STRN3: variants seen among roughly 807,000 people sequenced by gnomAD.
STRN3 encodes the protein striatin 3, also known as striatin-3.
A neutral mutation model predicts 95.6 loss-of-function variants in STRN3; 29 were observed. The ratio of observed to expected loss-of-function variants is 0.30; its 90% CI spans 0.23 to 0.41. STRN3 has a LOEUF of 0.41. STRN3 is among the 10% of genes least tolerant of loss of function. The pLI is 1.00. For synonymous variants in STRN3, 331 were observed against 357.6 expected, an observed-to-expected ratio of 0.93 and a Z score of 0.84; for missense variants, 890 against 972.1, an observed-to-expected ratio of 0.92 and a Z score of 1.12.
intron 1 of STRN3, among the ~76,000 whole-genome samples, chr14:30,966,452 CG>C (rs772534829): frequency 2.0e-4 from 31 of 152,158 alleles, no homozygotes; most frequent in Non-Finnish European, 3.8e-4. Context: ...GTTTCTCTCT[CG>C]TGAGGAGGTG....
At chr14:30,933,824 A>G (rs1362669234) in intron 7 of STRN3, among the ~76,000 whole-genome samples, 1 of 152,230 alleles carries the variant, frequency 6.6e-6, no homozygotes, top group Non-Finnish European at 1.5e-5. Context: ...AAATCTTTTA[A>G]GTACTTGATT....
intron 1 of STRN3, among the ~76,000 whole-genome samples, chr14:30,980,025 G>A (rs1054134569): frequency 3.3e-5 from 5 of 151,782 alleles, no homozygotes; most frequent in African/African-American, 9.7e-5. Context: ...CAAGGTGGGC[G>A]GATCACGAGG....
chr14:30,917,723 T>C (rs9635154), intron 9 of STRN3, among the ~76,000 whole-genome samples: 6,812 of 152,060 alleles, frequency 0.045, 375 homozygotes, highest in East Asian at 0.21. Context: ...TTTTTTAAGG[T>C]GAGTGAAGTA....
chr14:30,913,072 G>A (rs1462536077), intron 10 of STRN3, among the ~76,000 whole-genome samples: 1 of 152,062 alleles, frequency 6.6e-6, no homozygotes, highest in Non-Finnish European at 1.5e-5. Flanking sequence ...TCTAATGAAG[G>A]AGTTAAGTAT....
chr14:31,013,863 TTTATTATTATTATTATTATTATTATTA>T (rs548417882), intron 1 of STRN3, among the ~76,000 whole-genome samples: 17 of 81,046 alleles, frequency 2.1e-4, no homozygotes, highest in South Asian at 1.9e-3. Flanking sequence ...TCAAAGCAAT[TTTATTATTATTATTATTATTATTATTA>T]TTATTATTAT....
intron 1 of STRN3, among the ~76,000 whole-genome samples, chr14:31,020,307 T>C (rs550042841): frequency 2.0e-5 from 3 of 152,050 alleles, no homozygotes; most frequent in Non-Finnish European, 4.4e-5. Flanking sequence ...AAGACCAGCC[T>C]GGCCAACATG....
chr14:30,954,380 T>A (rs994024857), intron 3 of STRN3, among the ~76,000 whole-genome samples: 1 of 152,194 alleles, frequency 6.6e-6, no homozygotes, highest in Admixed American at 6.5e-5. Context: ...ATCAAATCAA[T>A]ATTTTGTACA....
chr14:30,960,730 G>A (rs1433521091), intron 1 of STRN3, among the ~76,000 whole-genome samples: 6 of 151,896 alleles, frequency 4.0e-5, no homozygotes, highest in African/African-American at 9.7e-5. Context: ...TTAGCCGGGC[G>A]TGGTGGCGGG....
intron 4 of STRN3, among the ~76,000 whole-genome samples, chr14:30,948,883 T>C (rs545380467): frequency 6.6e-6 from 1 of 152,286 alleles, no homozygotes; most frequent in South Asian, 2.1e-4. Context: ...AGTCCTCTCT[T>C]GGGGAGAACA....
At chr14:31,025,423 A>C (rs1266786511) in intron 1 of STRN3, 1 of 152,564 alleles carries the variant, frequency 6.6e-6, no homozygotes, top group African/African-American at 2.8e-5. Flanking sequence ...ACCAAGTCTG[A>C]GGGAGGGGGC....
intron 1 of STRN3, among the ~76,000 whole-genome samples, chr14:30,982,790 C>G (rs1439417195): frequency 2.0e-5 from 3 of 151,910 alleles, no homozygotes; most frequent in Non-Finnish European, 4.4e-5. Context: ...ATTTTAGATA[C>G]AGTCTCGTTA....
chr14:31,010,968 A>G (rs179719), intron 1 of STRN3, among the ~76,000 whole-genome samples: 151,731 of 152,354 alleles, frequency 1, 75,561 homozygotes, highest in Middle Eastern at 1. Context: ...GAACCCAGGC[A>G]GCAGAGGTTG....
chr14:31,025,723 G>A, intron 1 of STRN3, 181 bp downstream of exon 1: 1 of 847,006 alleles, frequency 1.2e-6, no homozygotes, highest in Admixed American at 2.9e-5. Flanking sequence ...AAGCTTATGC[G>A]GGAAAGAGGG....
At chr14:30,929,174 A>C in intron 8 of STRN3, 27 bp downstream of exon 8, 5 of 1,551,602 alleles carry the variant, frequency 3.2e-6, no homozygotes, top group Non-Finnish European at 4.4e-6. Flanking sequence ...GTATACAAAA[A>C]TTATAATAGT....
intron 7 of STRN3, among the ~76,000 whole-genome samples, chr14:30,932,925 G>C (rs1416348747): frequency 6.6e-6 from 1 of 152,040 alleles, no homozygotes; most frequent in Non-Finnish European, 1.5e-5. Flanking sequence ...GTGCATCATA[G>C]AGCTCTGGTT....
chr14:30,997,216 G>C (rs371637097), intron 1 of STRN3, among the ~76,000 whole-genome samples: 1 of 152,104 alleles, frequency 6.6e-6, no homozygotes, highest in Admixed American at 6.5e-5. Flanking sequence ...ATGGGAGGGG[G>C]ACATGAGCAG....
chr14:30,985,306 C>G lies in STRN3; in HGVS notation c.283-29064G>C, dbSNP rs34233628. Among the ~76,000 whole-genome samples the G allele has an allele frequency of 9.4e-5, 12 of 128,160 alleles. No individual in the cohort carries two copies. The South Asian group carries it at 1.6e-3, about 17-fold the overall frequency. The allele number at this position is 128,160 out of a possible 152,430, so 84.1% of individuals were successfully genotyped here. On this transcript the variant is annotated intron_variant, in intron 1 of 17. Transcript: ENST00000357479. ...CTGGGCAACAAGAGTAAAACTCCGCCAAAAAAAAAAAAATAGGCCAGGCGC... is the reference window on the plus strand; with the variant it reads ...CTGGGCAACAAGAGTAAAACTCCGCGAAAAAAAAAAAAATAGGCCAGGCGC...
intron 8 of STRN3, among the ~76,000 whole-genome samples, chr14:30,919,441 T>C (rs1896826978): frequency 6.6e-6 from 1 of 151,816 alleles, no homozygotes; most frequent in Admixed American, 6.6e-5. Context: ...ACACAGAAGG[T>C]ATCATTAAAA....
In STRN3 at chr14:30,913,534, T is replaced by C. The variant is rs145027811; in HGVS notation, c.1364A>G (p.Tyr455Cys). ...ADLTVTNDAD[Y>C]SYDLPANKDA... ...TAAAACTGCACTTACATCATAACTA[T>C]AGTCTGCATCATTTGTTACCGTCAA... The change falls in exon 10 of 18, where the codon TAT becomes TGT. Residue 455 changes from tyrosine to cysteine, a missense_variant. Coordinates refer to ENST00000357479, the MANE Select transcript of STRN3 (RefSeq NM_001083893.2). The C allele has an allele frequency of 1.7e-5, 27 of 1,611,744 alleles. No homozygotes were observed. In the African/African-American group the frequency reaches 3.3e-4, roughly 20 times the overall value.
Sources: gnomAD v4.1 joint callset for allele counts (sites outside exome capture counted in the v4.1 genomes callset) on GRCh38, gnomAD v4.1.1 for gene constraint, MANE v1.5 for transcripts, NCBI Gene and HGNC (gene_info 2026-07-23, HGNC 2026-07-21) for gene names.